CES5A: variants seen among roughly 807,000 people sequenced by gnomAD.
The protein encoded by CES5A is carboxylesterase 5.
CES5A carries 67 observed loss-of-function variants against 62.9 expected under a neutral mutation model. The observed-to-expected ratio is 1.07, with a 90% CI of 0.88 to 1.31. CES5A has a LOEUF of 1.31. Among genes scored for constraint, CES5A ranks in the 50% most tolerant of loss-of-function variants. The pLI, the probability that CES5A is intolerant of heterozygous loss-of-function variation, is 0.00. For synonymous variants in CES5A, 296 were observed against 280.8 expected (o/e 1.05, Z -0.54); for missense variants, 748 against 708.5 (o/e 1.06, Z -0.63).
At chr16:55,955,230 C>T (rs2034596655) in intron 1 of CES5A, among the ~76,000 whole-genome samples, 1 of 152,006 alleles carries the variant, frequency 6.6e-6, no homozygotes, top group South Asian at 2.1e-4. Flanking sequence ...TTTCAAATAC[C>T]AATAAGTAAC....
At chr16:55,892,365 C>T (rs2033889128) in intron 1 of CES5A, among the ~76,000 whole-genome samples, 1 of 152,092 alleles carries the variant, frequency 6.6e-6, no homozygotes, top group African/African-American at 2.4e-5. Context: ...ATGCATAAAA[C>T]CAAGCTGCAC....
At chr16:55,943,976 A>G (rs1339873798) in intron 2 of CES5A, 1 of 700,220 alleles carries the variant, frequency 1.4e-6, no homozygotes, top group Non-Finnish European at 2.6e-6. Context: ...GAGCATTATC[A>G]GCCCAGGTAT....
intron 1 of CES5A, among the ~76,000 whole-genome samples, chr16:55,897,049 C>T (rs1314090352): frequency 6.6e-6 from 1 of 151,956 alleles, no homozygotes; most frequent in East Asian, 1.9e-4. Context: ...CCCTCATTCC[C>T]CCATCCCCGC....
upstream of CES5A, among the ~76,000 whole-genome samples, chr16:55,879,475 T>C (rs1213834481): frequency 6.6e-6 from 1 of 150,964 alleles, no homozygotes; most frequent in Non-Finnish European, 1.5e-5. Flanking sequence ...ACCCTATCAC[T>C]GCATCCCATC....
chr16:55,849,661 G>A lies in CES5A; in HGVS notation c.1386C>T (p.Phe462=), dbSNP rs773422574. 3.1e-6 allele frequency: 5 copies of A among 1,613,856 alleles called. No individual in the cohort carries two copies. Among genetic ancestry groups the A allele is most frequent in the South Asian group, 1.1e-5 (1 of 91,082 alleles). ...TGTCCCCCTTCAGGAAGGCACCACCGAACACAAAGCGGACTTCATCAGCGT... is the reference window on the plus strand; with the variant it reads ...TGTCCCCCTTCAGGAAGGCACCACCAAACACAAAGCGGACTTCATCAGCGT... ...ADHADEVRFV[F]GGAFLKGDIV... Residue 462 remains phenylalanine (F), a synonymous_variant, in exon 11 of 13, where the codon TTC becomes TTT. Transcript: ENST00000290567.
intron 1 of CES5A, among the ~76,000 whole-genome samples, chr16:55,903,049 C>T (rs1652365741): frequency 6.6e-6 from 1 of 152,114 alleles, no homozygotes; most frequent in African/African-American, 2.4e-5. Flanking sequence ...CATTTCACCT[C>T]TACTAGGCAT....
chr16:55,854,028 T>C (rs1324443016), intron 9 of CES5A, among the ~76,000 whole-genome samples: 2 of 152,088 alleles, frequency 1.3e-5, no homozygotes, highest in African/African-American at 4.8e-5. Context: ...CTGCAGTAGG[T>C]CCAGTCTATG....
chr16:55,929,703 G>A (rs1439345572), upstream of CES5A, among the ~76,000 whole-genome samples: 1 of 152,136 alleles, frequency 6.6e-6, no homozygotes, highest in African/African-American at 2.4e-5. Flanking sequence ...CATCCGACAG[G>A]GCATAGATTG....
At position 55,871,654 on chromosome 16, in the gene CES5A, C is replaced by T. The variant is rs772066729; in HGVS notation, c.388G>A (p.Ala130Thr). 2.1e-5 allele frequency: 34 copies of T among 1,614,144 alleles called. No individual in the cohort carries two copies. The highest frequency in any genetic ancestry group is 2.7e-5 in the Non-Finnish European group (32 of 1,180,014). The change falls in exon 3 of 13, where the codon GCC becomes ACC. Residue 130 changes from alanine (A) to threonine (T), a missense_variant. By Grantham distance (58) the Ala-to-Thr change is moderately conservative. Coordinates refer to ENST00000290567, the MANE Select transcript of CES5A (RefSeq NM_001143685.2). ...DCLYLNIYAP[A>T]HADTGSKLPV... ...AGCTTGGAGCCTGTATCGGCGTGGG[C>T]AGGCGCATAGATGTTCAGGTAGAGG...
At chr16:55,951,943 T>C (rs1329941847) in intron 1 of CES5A, among the ~76,000 whole-genome samples, 2 of 152,092 alleles carry the variant, frequency 1.3e-5, no homozygotes, top group Admixed American at 6.5e-5. Context: ...CATATTAAAA[T>C]TTTACAGTGT....
rs2033166361 is a variant in CES5A at position 55,853,140 on chromosome 16, A to G, written c.1126-112T>C. 5.7e-6 allele frequency: 6 copies of G among 1,054,182 alleles called. No homozygotes were observed. In the East Asian group the frequency reaches 1.2e-4, roughly 21 times the overall value. 65.3% of individuals were successfully genotyped at this position (1,054,182 alleles called of 1,614,324 possible). A position where few individuals can be genotyped will look rare whatever the true frequency, so the allele number is the denominator to read the frequency against. ...ATGCTTTACCCACATTGCTTCATTT[A>G]ACCCACACAGCAACCCTATGATGCA... is the stretch of plus-strand genomic sequence containing the variant. On this transcript the variant is annotated intron_variant, in intron 9 of 12. Transcript: ENST00000290567.
At chr16:55,903,470 G>C (rs1349216512) in intron 1 of CES5A, among the ~76,000 whole-genome samples, 1 of 152,196 alleles carries the variant, frequency 6.6e-6, no homozygotes, top group Non-Finnish European at 1.5e-5. Context: ...CTGCCATTAT[G>C]AGTATTTTTG....
intron 1 of CES5A, among the ~76,000 whole-genome samples, chr16:55,885,457 G>A (rs747441355): frequency 1.1e-4 from 17 of 152,150 alleles, no homozygotes; most frequent in Non-Finnish European, 2.5e-4. Flanking sequence ...ATGGGAATTG[G>A]GGAGGGAGCC....
chr16:55,927,271 A>G (rs2034266799), upstream of CES5A, among the ~76,000 whole-genome samples: 1 of 152,330 alleles, frequency 6.6e-6, no homozygotes, highest in African/African-American at 2.4e-5. Flanking sequence ...AATGGAGCTT[A>G]ATTAAATGAA....
chr16:55,921,012 T>C (rs1708892993), intron 1 of CES5A, among the ~76,000 whole-genome samples: 1 of 152,110 alleles, frequency 6.6e-6, no homozygotes, highest in Non-Finnish European at 1.5e-5. Context: ...AACAACAGAA[T>C]GGATCAAGCA....
At chr16:55,872,532 G>C in intron 2 of CES5A, among the ~76,000 whole-genome samples, 1 of 152,200 alleles carries the variant, frequency 6.6e-6, no homozygotes, top group East Asian at 1.9e-4. Flanking sequence ...CTGTACCTCA[G>C]AGCACCAGCA....
At chr16:55,879,168 A>G (rs1341206093), upstream of CES5A, among the ~76,000 whole-genome samples, 2 of 133,586 alleles carry the variant, frequency 1.5e-5, no homozygotes, top group African/African-American at 5.9e-5. Context: ...ACTGCACCCC[A>G]CCACTGCACT....
chr16:55,947,794 T>C (rs1445966984), intron 2 of CES5A, among the ~76,000 whole-genome samples: 2 of 151,906 alleles, frequency 1.3e-5, no homozygotes, highest in East Asian at 1.9e-4. Context: ...AAGCTTGCCA[T>C]GGACTGGAGT....
intron 1 of CES5A, among the ~76,000 whole-genome samples, chr16:55,892,215 A>G (rs755427267): frequency 2.6e-5 from 4 of 152,182 alleles, no homozygotes; most frequent in Admixed American, 1.3e-4. Context: ...TGTGAACCAG[A>G]AAATGTTTAA....
Sources: allele counts gnomAD v4.1 joint callset (sites outside exome capture counted in the v4.1 genomes callset), GRCh38; gene constraint gnomAD v4.1.1; transcripts MANE v1.5; gene names NCBI Gene and HGNC (gene_info 2026-07-23, HGNC 2026-07-21).